GLIS3: variants seen among roughly 807,000 people sequenced by gnomAD.
The protein encoded by GLIS3 is zinc finger protein GLIS3.
GLIS3 carries 53 observed loss-of-function variants against 78.6 expected under a neutral mutation model. The observed-to-expected ratio is 0.67, with a 90% confidence interval of 0.54 to 0.85. The LOEUF (loss-of-function observed/expected upper bound fraction) is 0.85, where lower values mean the gene tolerates loss of function less well. Among genes scored for constraint, GLIS3 ranks in the 40% least tolerant of loss-of-function variants. The pLI is 0.00. For missense variants in GLIS3, 1,703 were observed against 1,231.1 expected, an observed-to-expected ratio of 1.38 and a Z score of -5.74; for synonymous variants, 684 against 509.9, an observed-to-expected ratio of 1.34 and a Z score of -4.60.
intron 2 of GLIS3, among the ~76,000 whole-genome samples, chr9:4,226,053 T>C (rs1029846078): frequency 1.3e-5 from 2 of 152,206 alleles, no homozygotes; most frequent in African/African-American, 4.8e-5. Context: ...CACATTTAAA[T>C]CGTTATTCAG....
upstream of GLIS3, among the ~76,000 whole-genome samples, chr9:4,353,355 C>A (rs2130604628): frequency 6.6e-6 from 1 of 152,082 alleles, no homozygotes; most frequent in East Asian, 1.9e-4. Flanking sequence ...AAGTCTCGGT[C>A]CTCTGATTTC....
chr9:4,340,373 G>C (rs1444334063), intron 2 of GLIS3, among the ~76,000 whole-genome samples: 1 of 151,700 alleles, frequency 6.6e-6, no homozygotes, highest in Non-Finnish European at 1.5e-5. Context: ...TAGAAGTGAG[G>C]GGGTGGGGGA....
chr9:4,257,823 T>C (rs570304673), intron 2 of GLIS3, among the ~76,000 whole-genome samples: 1 of 152,288 alleles, frequency 6.6e-6, no homozygotes, highest in Admixed American at 6.5e-5. Context: ...TCTGCCCGCC[T>C]CTGCCTCCCA....
intron 4 of GLIS3, among the ~76,000 whole-genome samples, chr9:4,002,567 G>C (rs910918731): frequency 6.6e-6 from 1 of 152,082 alleles, no homozygotes; most frequent in African/African-American, 2.4e-5. Context: ...ACTCTGATTT[G>C]TATTAACCTG....
At chr9:4,317,376 T>G (rs1224010638) in intron 2 of GLIS3, among the ~76,000 whole-genome samples, 1 of 152,202 alleles carries the variant, frequency 6.6e-6, no homozygotes, top group East Asian at 1.9e-4. Context: ...TTAATCACTG[T>G]GGGATGCAGC....
At chr9:4,401,244 G>C in the GLIS3 span, among the ~76,000 whole-genome samples, 4 of 152,030 alleles carry the variant, frequency 2.6e-5, no homozygotes, top group Non-Finnish European at 5.9e-5. Flanking sequence ...AAGAGATCTT[G>C]GGTTTATTTC....
At position 3,969,693 on chromosome 9, in the gene GLIS3, G is replaced by T. The variant is rs7856815; in HGVS notation, c.1711-32504C>A. Among the ~76,000 whole-genome samples, 756 of 152,264 alleles carry T rather than the reference G, an allele frequency of 5.0e-3. 4 individuals are homozygous for T. The highest frequency in any genetic ancestry group is 0.018 in the African/African-American group (737 of 41,528). ...AAATACAGCCACTGTGAAGAACTCAGCTTGCTGTGTATGAAGCTACCAAAA... is the reference window on the plus strand; with the variant it reads ...AAATACAGCCACTGTGAAGAACTCATCTTGCTGTGTATGAAGCTACCAAAA... On this transcript the variant is annotated intron_variant, in intron 4 of 10. Transcript: ENST00000381971.
chr9:4,420,452 G>A, the GLIS3 span, among the ~76,000 whole-genome samples: 8 of 152,240 alleles, frequency 5.3e-5, no homozygotes, highest in Admixed American at 2.6e-4. Context: ...ACCATTACTC[G>A]TAAGGTGCTG....
In GLIS3 at chr9:3,977,210, C is replaced by T. The variant is rs950760331; in HGVS notation, c.1711-40021G>A. 5.9e-5 allele frequency among the ~76,000 whole-genome samples: 9 copies of T among 152,108 alleles called. No individual in the cohort carries two copies. Among genetic ancestry groups the T allele is most frequent in the South Asian group, 4.1e-4 (2 of 4,828 alleles). On this transcript the variant is annotated intron_variant, in intron 4 of 10. Coordinates refer to ENST00000381971, the MANE Select transcript of GLIS3 (RefSeq NM_001042413.2). This position sits in a 1 kb window ranked among gnomAD's most constrained non-coding sequence, Gnocchi z 4.1. ...GGAGAAATATTGTCAGTTCAGATGA[C>T]AAAAGACCTTGCTAGGCCACCCCTC... is the stretch of plus-strand genomic sequence containing the variant.
intron 9 of GLIS3, among the ~76,000 whole-genome samples, chr9:3,834,270 A>G (rs1449230401): frequency 6.6e-6 from 1 of 152,162 alleles, no homozygotes; most frequent in Non-Finnish European, 1.5e-5. Flanking sequence ...CAAACTAGAA[A>G]GGGAGTGGGG....
intron 7 of GLIS3, chr9:3,898,467 A>G (rs142006413): frequency 2.7e-4 from 157 of 587,354 alleles, no homozygotes; most frequent in African/African-American, 2.5e-3. Context: ...TCCATAACTA[A>G]AAGAGGTAAT....
the GLIS3 span, among the ~76,000 whole-genome samples, chr9:4,379,089 C>T: frequency 1.3e-5 from 2 of 152,158 alleles, no homozygotes; most frequent in Non-Finnish European, 1.5e-5. Context: ...TCGGCCGTGT[C>T]GTTATGTTAT....
chr9:4,485,264 C>T, the GLIS3 span, among the ~76,000 whole-genome samples: 2 of 152,250 alleles, frequency 1.3e-5, no homozygotes, highest in East Asian at 1.9e-4. Flanking sequence ...ATCCATCCTC[C>T]TCGGCCTCCC....
intron 4 of GLIS3, among the ~76,000 whole-genome samples, chr9:4,085,700 C>T (rs1419614555): frequency 6.6e-6 from 1 of 152,176 alleles, no homozygotes. Flanking sequence ...TGGTTTAGCG[C>T]TATCCCCTCG....
the GLIS3 span, among the ~76,000 whole-genome samples, chr9:4,406,520 A>T: frequency 6.6e-6 from 1 of 152,164 alleles, no homozygotes; most frequent in Non-Finnish European, 1.5e-5. Context: ...GGGTTTCTCA[A>T]TGTTGGTCAG....
chr9:3,849,400 C>A (rs1396027544), intron 9 of GLIS3, among the ~76,000 whole-genome samples: 1 of 152,208 alleles, frequency 6.6e-6, no homozygotes, highest in Non-Finnish European at 1.5e-5. Context: ...ACCCCTTTGC[C>A]TTGTGACTAA....
At chr9:4,222,136 C>T (rs1821379619) in intron 2 of GLIS3, among the ~76,000 whole-genome samples, 1 of 152,218 alleles carries the variant, frequency 6.6e-6, no homozygotes, top group Admixed American at 6.5e-5. Flanking sequence ...TCCCTCTTCT[C>T]CACCAGGGTC....
intron 2 of GLIS3, among the ~76,000 whole-genome samples, chr9:4,149,197 A>G (rs1834474282): frequency 6.6e-6 from 1 of 152,206 alleles, no homozygotes; most frequent in South Asian, 2.1e-4. Context: ...AGTAAGCTTA[A>G]TGGAAGGCTT....
chr9:4,343,876 G>T (rs111970059), intron 2 of GLIS3, among the ~76,000 whole-genome samples: 4,314 of 152,200 alleles, frequency 0.028, 213 homozygotes, highest in African/African-American at 0.099. Flanking sequence ...AGTACACATG[G>T]ACTCAAAGAA....
Sources: gnomAD v4.1 joint callset for allele counts (sites outside exome capture counted in the v4.1 genomes callset) on GRCh38, gnomAD v4.1.1 for gene constraint, Gnocchi (gnomAD v3.1) non-coding constraint, MANE v1.5 for transcripts, NCBI Gene and HGNC (gene_info 2026-07-23, HGNC 2026-07-21) for gene names.